The following APOLD1 variants were observed in gnomAD, a reference collection of about 807,000 sequenced individuals.
APOLD1 encodes the protein apolipoprotein L domain-containing protein 1.
APOLD1 carries 22 observed loss-of-function variants against 15.3 expected under a neutral mutation model. The ratio of observed to expected loss-of-function variants is 1.44; its 90% CI spans 1.03 to 2.05. APOLD1 has a LOEUF of 2.05. Ranked by LOEUF, APOLD1 falls within the 30% of genes most tolerant of loss-of-function variation. APOLD1 has a pLI of 0.00. For missense variants in APOLD1, 394 were observed against 353.5 expected (o/e 1.11, Z -0.92); for synonymous variants, 190 against 167.4 (o/e 1.13, Z -1.04).
chr12:12,768,794 ACCTTTTTCAAAGGTAGT>A (rs1289180353), intron 1 of APOLD1, among the ~76,000 whole-genome samples: 1 of 151,544 alleles, frequency 6.6e-6, no homozygotes, highest in Non-Finnish European at 1.5e-5. Context: ...AATGCCTCCT[ACCTTTTTCAAAGGTAGT>A]TTACTTTTTT....
chr12:12,775,057 C>T (rs1947021484), intron 1 of APOLD1, among the ~76,000 whole-genome samples: 3 of 152,220 alleles, frequency 2.0e-5, no homozygotes, highest in Non-Finnish European at 4.4e-5. Flanking sequence ...CCAAGATGTT[C>T]TTCAGTAGCT....
chr12:12,759,232 A>G (rs1330124865), intron 1 of APOLD1, among the ~76,000 whole-genome samples: 2 of 152,236 alleles, frequency 1.3e-5, no homozygotes, highest in East Asian at 1.9e-4. Flanking sequence ...GGGAAACCAT[A>G]GAGAAAGGGG....
At chr12:12,781,629 G>A (rs901511340), upstream of APOLD1, among the ~76,000 whole-genome samples, 5 of 147,844 alleles carry the variant, frequency 3.4e-5, no homozygotes, top group African/African-American at 1.2e-4. Context: ...CCGAGTTCAC[G>A]CCATTCTCCT....
intron 1 of APOLD1, among the ~76,000 whole-genome samples, chr12:12,743,821 G>C (rs1946744627): frequency 6.6e-6 from 1 of 152,174 alleles, no homozygotes; most frequent in African/African-American, 2.4e-5. Flanking sequence ...GTGACGTGAG[G>C]GCTTAGCTTG....
At position 12,769,189 on chromosome 12, in the gene APOLD1, C is replaced by G. The variant is rs923512302; in HGVS notation, c.97-17720C>G. Among the ~76,000 whole-genome samples the G allele has an allele frequency of 2.9e-4, 42 of 143,414 alleles. No individual in the cohort carries two copies. In the Middle Eastern group the frequency reaches 0.014, roughly 48 times the overall value. The allele number at this position is 143,414 out of a possible 152,430, so 94.1% of individuals were successfully genotyped here. On this transcript the variant is annotated intron_variant, in intron 1 of 1. Coordinates refer to the APOLD1 transcript ENST00000326765. Reference sequence around the variant, plus strand: ...GCTGCAGTGGGCCATGATTATACCACTGCACTACAGCCTGGGCAACAGAGC... The same window carrying G: ...GCTGCAGTGGGCCATGATTATACCAGTGCACTACAGCCTGGGCAACAGAGC...
intron 1 of APOLD1, among the ~76,000 whole-genome samples, chr12:12,764,958 C>T (rs1946933254): frequency 6.6e-6 from 1 of 152,196 alleles, no homozygotes; most frequent in Non-Finnish European, 1.5e-5. Flanking sequence ...CTTCTCTAAG[C>T]AGCAAATTCA....
intron 1 of APOLD1, among the ~76,000 whole-genome samples, chr12:12,735,178 G>C (rs1159300580): frequency 3.9e-5 from 6 of 152,028 alleles, no homozygotes; most frequent in African/African-American, 1.5e-4. Flanking sequence ...GATCCCTTGA[G>C]CCCAGGAGTT....
At chr12:12,786,854 G>A in intron 1 of APOLD1, 55 bp from the exon 2 acceptor site, 6 of 1,358,580 alleles carry the variant, frequency 4.4e-6, no homozygotes, top group Non-Finnish European at 5.6e-6. Context: ...CAGCAGGGCG[G>A]GAGCGGCGGC....
At chr12:12,732,285 A>G (rs749376849) in intron 1 of APOLD1, among the ~76,000 whole-genome samples, 23 of 152,220 alleles carry the variant, frequency 1.5e-4, no homozygotes, top group Non-Finnish European at 3.2e-4. Flanking sequence ...ATACACACAC[A>G]TTTTATATAC....
intron 1 of APOLD1, among the ~76,000 whole-genome samples, chr12:12,761,800 TAC>T (rs1565432704): frequency 0.022 from 3,102 of 144,254 alleles, 216 homozygotes; most frequent in African/African-American, 0.079. Context: ...CATATATATA[TAC>T]ATGAACATAT....
chr12:12,759,216 C>T (rs959323843), intron 1 of APOLD1, among the ~76,000 whole-genome samples: 4 of 152,180 alleles, frequency 2.6e-5, no homozygotes, highest in East Asian at 1.9e-4. Flanking sequence ...ACTGAAACAA[C>T]GAAAAGGGAA....
At chr12:12,745,434 G>C (rs1368379435) in intron 1 of APOLD1, among the ~76,000 whole-genome samples, 1 of 152,068 alleles carries the variant, frequency 6.6e-6, no homozygotes, top group Non-Finnish European at 1.5e-5. Context: ...GGAGGCTGAG[G>C]CTGGAGAATC....
In APOLD1 at chr12:12,787,574, G is replaced by C; in HGVS notation, c.669G>C (p.Arg223=). The C allele has an allele frequency of 6.2e-7, 1 of 1,613,076 alleles. No individual in the cohort carries two copies. The highest frequency in any genetic ancestry group is 8.5e-7 in the Non-Finnish European group (1 of 1,180,032). Residue 223 remains arginine (R), a synonymous_variant, in exon 2 of 2, where the codon CGG becomes CGC. Coordinates refer to ENST00000356591, the MANE Select transcript of APOLD1 (RefSeq NM_030817.3). This position sits in a 1 kb window ranked among gnomAD's most constrained non-coding sequence, Gnocchi z 4.9. ...LDELSEQLES[R]VQLCTKSSRG... ...AACTCAGCGAGCAGCTGGAGTCTCG[G>C]GTTCAGCTCTGCACCAAGTCCAGTC...
At chr12:12,777,923 T>TTTTTGTTGTTG (rs1555092183) in intron 1 of APOLD1, among the ~76,000 whole-genome samples, 1 of 121,572 alleles carries the variant, frequency 8.2e-6, no homozygotes, top group African/African-American at 3.3e-5. Flanking sequence ...TTTTTTTTTT[T>TTTTTGTTGTTG]TTGTTGTTGT....
chr12:12,787,519 G>A lies in APOLD1; in HGVS notation c.614G>A (p.Ser205Asn), dbSNP rs370414634. ...LKAKIQKLAE[S>N]LESCTGALDE... ...GCCAAGATTCAGAAACTGGCCGAGAGCCTGGAGTCCTGCACCGGGGCTCTG... is the reference window on the plus strand; with the variant it reads ...GCCAAGATTCAGAAACTGGCCGAGAACCTGGAGTCCTGCACCGGGGCTCTG... The change falls in exon 2 of 2, where the codon AGC becomes AAC. Residue 205 changes from serine to asparagine, a missense_variant. Transcript: ENST00000356591. The surrounding 1 kb of genome is among the most constrained non-coding windows in gnomAD (Gnocchi z 4.9). The A allele has an allele frequency of 1.1e-5, 17 of 1,613,920 alleles. No individual in the cohort carries two copies. In the Admixed American group the frequency reaches 1.3e-4, roughly 13 times the overall value.
rs117432434 is a variant in APOLD1 at position 12,748,910 on chromosome 12, A to G, written c.96+22814A>G. Among the ~76,000 whole-genome samples, 1,205 of 152,322 alleles carry G rather than the reference A, an allele frequency of 7.9e-3. 14 individuals carry two copies. The highest frequency in any genetic ancestry group is 0.028 in the South Asian group (133 of 4,834). On this transcript the variant is annotated intron_variant, in intron 1 of 1. Transcript: ENST00000326765. ...AGATATTGCCATTTCATATTTCTAA[A>G]CTTTACAAGAAGGCAGCATCCTCTC...
intron 1 of APOLD1, among the ~76,000 whole-genome samples, chr12:12,749,430 C>T (rs1487975742): frequency 7.2e-6 from 1 of 139,092 alleles, no homozygotes; most frequent in Non-Finnish European, 1.6e-5. Flanking sequence ...AGGCTACTCC[C>T]TTTGCAAACC....
At chr12:12,782,491 G>C (rs1352460268), upstream of APOLD1, among the ~76,000 whole-genome samples, 1 of 152,132 alleles carries the variant, frequency 6.6e-6, no homozygotes, top group African/African-American at 2.4e-5. Context: ...ATTCAAACTA[G>C]TACAGCTAAT....
chr12:12,763,725 C>A (rs567988757), intron 1 of APOLD1, among the ~76,000 whole-genome samples: 3 of 151,938 alleles, frequency 2.0e-5, no homozygotes, highest in Non-Finnish European at 4.4e-5. Flanking sequence ...TACAGGGGGT[C>A]CTGGAACCAA....
Sources: gnomAD v4.1 joint callset for allele counts (sites outside exome capture counted in the v4.1 genomes callset) on GRCh38, gnomAD v4.1.1 for gene constraint, Gnocchi (gnomAD v3.1) non-coding constraint, MANE v1.5 for transcripts, NCBI Gene and HGNC (gene_info 2026-07-23, HGNC 2026-07-21) for gene names.